The following ZFR variants were observed in gnomAD, a reference collection of about 807,000 sequenced individuals.
ZFR encodes the protein zinc finger RNA-binding protein.
Under a neutral mutation model 130.7 loss-of-function variants are expected in ZFR, and 19 were observed. The ratio of observed to expected loss-of-function variants is 0.15; its 90% CI spans 0.10 to 0.21. ZFR has a LOEUF of 0.21. ZFR is among the 10% of genes least tolerant of loss of function. ZFR has a pLI of 1.00. For missense variants in ZFR, 872 were observed against 1,321.5 expected (o/e 0.66, Z 5.27); for synonymous variants, 466 against 456.9 (o/e 1.02, Z -0.25).
rs577722300 is a variant in ZFR, at chr5:32,444,698, G to A, written c.-40C>T. 2.7e-6 allele frequency: 4 copies of A among 1,501,772 alleles called. No homozygotes were observed. The highest frequency in any genetic ancestry group is 2.7e-6 in the Non-Finnish European group (3 of 1,125,170). The allele number at this position is 1,501,772 out of a possible 1,614,324, so 93.0% of individuals were successfully genotyped here. A position where few individuals can be genotyped will look rare whatever the true frequency, so the allele number is the denominator to read the frequency against. ...GCTGCTGAACTCTGAACTCTCACCC[G>A]CTGCCTCCCTCCTCTGCCCCGCTCC... On this transcript the variant is annotated 5_prime_UTR_variant, in exon 1 of 20. Coordinates refer to ENST00000265069, the MANE Select transcript of ZFR (RefSeq NM_016107.5).
At chr5:32,380,212 G>A in intron 15 of ZFR, 40 bp from the exon 16 acceptor site, 2 of 1,519,408 alleles carry the variant, frequency 1.3e-6, no homozygotes, top group Non-Finnish European at 9.1e-7. Context: ...TGAGGAATGG[G>A]TGTTTGACCA....
chr5:32,428,681 C>A (rs1754130390), intron 2 of ZFR, among the ~76,000 whole-genome samples: 1 of 152,176 alleles, frequency 6.6e-6, no homozygotes, highest in African/African-American at 2.4e-5. Context: ...CACCAGTCTG[C>A]CTACCACACT....
intron 14 of ZFR, 28 bp downstream of exon 14, chr5:32,387,521 T>A: frequency 6.2e-7 from 1 of 1,606,440 alleles, no homozygotes. Context: ...AGACAAGGGG[T>A]AAAAATGAAC....
At chr5:32,390,231 CCAGT>C (rs1426967080) in intron 12 of ZFR, 40 bp downstream of exon 12, 2 of 1,584,230 alleles carry the variant, frequency 1.3e-6, no homozygotes, top group East Asian at 4.5e-5. Flanking sequence ...TAATGCTGAA[CCAGT>C]CAAACTTTCA....
intron 17 of ZFR, among the ~76,000 whole-genome samples, chr5:32,375,337 A>G (rs1011798551): frequency 1.3e-4 from 20 of 152,358 alleles, no homozygotes; most frequent in South Asian, 4.1e-4. Flanking sequence ...AAGGCTATAT[A>G]CCGTCATGCT....
intron 15 of ZFR, among the ~76,000 whole-genome samples, chr5:32,382,737 G>A (rs545871463): frequency 6.6e-6 from 1 of 152,046 alleles, no homozygotes; most frequent in South Asian, 2.1e-4. Context: ...AGCCTCCCAA[G>A]TAGCTGGGAT....
chr5:32,375,758 C>T (rs980359142), intron 17 of ZFR, among the ~76,000 whole-genome samples: 3 of 152,162 alleles, frequency 2.0e-5, no homozygotes, highest in East Asian at 1.9e-4. Context: ...CCTCCTGCCT[C>T]GGGCCTCTCA....
In ZFR at chr5:32,404,086, T is replaced by C; in HGVS notation, c.1044A>G (p.Glu348=). The change falls in exon 7 of 20, where the codon GAA becomes GAG. Residue 348 remains glutamate, a synonymous_variant. Transcript: ENST00000265069. ...ISCAGPQTYK[E]HLEGQKHKKK... is the part of the protein sequence containing the mutation. The stretch of plus-strand genomic sequence containing the variant: ...TTTTATGTTTCTGTCCTTCTAAATG[T>C]TCTTTATAAGTCTGTTTCAAATAAA... The C allele has an allele frequency of 6.2e-7, 1 of 1,606,548 alleles. No individual in the cohort carries two copies. Among genetic ancestry groups the C allele is most frequent in the South Asian group, 1.1e-5 (1 of 89,604 alleles).
intron 4 of ZFR, 117 bp from the exon 5 acceptor site, chr5:32,415,304 G>A (rs1753795260): frequency 1.2e-6 from 1 of 868,840 alleles, no homozygotes; most frequent in South Asian, 1.9e-5. Flanking sequence ...TAAATTTTAT[G>A]CCAGCAATTT....
At chr5:32,390,473 G>A (rs1753143673) in intron 11 of ZFR, 36 bp from the exon 12 acceptor site, 10 of 1,571,608 alleles carry the variant, frequency 6.4e-6, no homozygotes, top group Non-Finnish European at 8.7e-6. Flanking sequence ...AGCATATGAG[G>A]AAAAATACAG....
intron 2 of ZFR, among the ~76,000 whole-genome samples, chr5:32,420,580 G>A (rs1426375233): frequency 1.3e-5 from 2 of 152,162 alleles, no homozygotes; most frequent in Admixed American, 1.3e-4. Flanking sequence ...CTACTGACCA[G>A]CTGATTAAAA....
intron 17 of ZFR, among the ~76,000 whole-genome samples, chr5:32,377,473 C>A (rs1208551211): frequency 6.6e-6 from 1 of 151,504 alleles, no homozygotes; most frequent in Non-Finnish European, 1.5e-5. Flanking sequence ...AGCCACCGTG[C>A]CCGGCAAAAT....
chr5:32,357,881 T>A (rs1752346848), intron 19 of ZFR, among the ~76,000 whole-genome samples: 1 of 152,252 alleles, frequency 6.6e-6, no homozygotes, highest in South Asian at 2.1e-4. Context: ...AAGCATCAGG[T>A]CTGTCATACA....
rs2111823673 is a variant in ZFR at position 32,419,965 on chromosome 5, A to T, written c.276T>A (p.Pro92=). The change falls in exon 3 of 20, where the codon CCT becomes CCA. Residue 92 remains proline (P), a synonymous_variant. Transcript: ENST00000265069. ...CAGCAGCTGCAACAGCTACTGGAGC[A>T]GGCCTGGCAACTGCAACTGTGGCGG... The part of the protein sequence containing the change: ...PAAATVAVAR[P]APVAVAAAAT... 2 of 1,613,944 alleles carry T rather than the reference A, an allele frequency of 1.2e-6. No homozygotes were observed. The highest frequency in any genetic ancestry group is 1.7e-6 in the Non-Finnish European group (2 of 1,179,986).
chr5:32,425,524 A>G (rs1224922705), intron 2 of ZFR, among the ~76,000 whole-genome samples: 8 of 152,254 alleles, frequency 5.3e-5, no homozygotes, highest in Admixed American at 3.3e-4. Flanking sequence ...GTTAATGTGT[A>G]ATACTTTTAC....
chr5:32,366,512 A>G (rs563967273), intron 17 of ZFR, among the ~76,000 whole-genome samples: 5 of 152,368 alleles, frequency 3.3e-5, no homozygotes, highest in Admixed American at 6.5e-5. Flanking sequence ...GGAACACAAA[A>G]AAGTCAATAC....
At chr5:32,428,732 G>T (rs998030898) in intron 2 of ZFR, among the ~76,000 whole-genome samples, 3 of 152,208 alleles carry the variant, frequency 2.0e-5, no homozygotes, top group Admixed American at 6.5e-5. Context: ...AGATGTTGGT[G>T]TTAGTTCTCA....
At chr5:32,432,260 G>C (rs910652430) in intron 2 of ZFR, among the ~76,000 whole-genome samples, 1 of 152,118 alleles carries the variant, frequency 6.6e-6, no homozygotes, top group African/African-American at 2.4e-5. Flanking sequence ...AAGTTGAACA[G>C]TTAGTTGTAT....
intron 9 of ZFR, among the ~76,000 whole-genome samples, chr5:32,398,093 T>A (rs1247453280): frequency 5.3e-5 from 8 of 151,862 alleles, no homozygotes; most frequent in African/African-American, 1.9e-4. Flanking sequence ...CCTGACCTCG[T>A]GATCCGCCCG....
Sources: gnomAD v4.1 joint callset for allele counts (sites outside exome capture counted in the v4.1 genomes callset) on GRCh38, gnomAD v4.1.1 for gene constraint, MANE v1.5 for transcripts, NCBI Gene and HGNC (gene_info 2026-07-23, HGNC 2026-07-21) for gene names.